The following CUBN variants were observed in gnomAD, a reference collection of about 807,000 sequenced individuals.
CUBN encodes the protein cubilin, also known as 460 kDa receptor.
CUBN carries 282 observed loss-of-function variants against 405.3 expected under a neutral mutation model. The observed-to-expected ratio is 0.70, with a 90% confidence interval of 0.63 to 0.77. The LOEUF (loss-of-function observed/expected upper bound fraction) is 0.77, where lower values mean the gene tolerates loss of function less well. Among genes scored for constraint, CUBN ranks in the 30% least tolerant of loss-of-function variants. The pLI is 0.00. For missense variants in CUBN, 4,514 were observed against 4,475.2 expected (o/e 1.01, Z -0.25); for synonymous variants, 1,684 against 1,617.0 (o/e 1.04, Z -0.99).
Position 16,869,658 on chromosome 10 carries a change from C to A in CUBN, c.9432G>T (p.Lys3144Asn). ...TACCCAATGTCTGCCGGAAAGACAT[C>A]TTCCAGCCTTTTGCTGTCTGAAATG... Reference protein sequence around the residue: ...TDSFQTAKGWKMSFRQTLGPQ... With the variant: ...TDSFQTAKGWNMSFRQTLGPQ... The change falls in exon 59 of 67, where the codon AAG becomes AAT. Residue 3144 changes from lysine to asparagine, a missense_variant. By Grantham distance (94) the Lys-to-Asn change is moderately conservative. Transcript: ENST00000377833. 6.2e-7 allele frequency: 1 copy of A among 1,613,402 alleles called. No homozygotes were observed. The highest frequency in any genetic ancestry group is 8.5e-7 in the Non-Finnish European group (1 of 1,179,514).
intron 59 of CUBN, among the ~76,000 whole-genome samples, chr10:16,866,780 T>G (rs191931908): frequency 3.3e-5 from 5 of 152,306 alleles, no homozygotes; most frequent in Admixed American, 1.3e-4. Context: ...GATCAGCTCA[T>G]GCTTGCCAAA....
intron 31 of CUBN, among the ~76,000 whole-genome samples, chr10:16,963,111 T>G (rs1468335350): frequency 6.6e-6 from 1 of 152,054 alleles, no homozygotes; most frequent in Non-Finnish European, 1.5e-5. Context: ...TGGAAACTGA[T>G]TACAAGTATG....
chr10:16,906,239 G>A lies in CUBN; in HGVS notation c.7876C>T (p.Gln2626Ter), dbSNP rs779108584. ...HFEDFYLESH[Q>*]DCQFDVLEFR... ...TCGAGGACATCAAATTGACAGTCTT[G>A]GTGACTTTCTAGGTAAAAATCTTCA... is the stretch of plus-strand genomic sequence containing the variant. The change falls in exon 50 of 67, where the codon CAA becomes TAA. Residue 2626 changes from glutamine (Q) to a stop codon, truncating the protein, a stop_gained. Coordinates refer to ENST00000377833, the MANE Select transcript of CUBN (RefSeq NM_001081.4). LOFTEE classifies it high-confidence loss of function. The A allele has an allele frequency of 6.2e-7, 1 of 1,614,002 alleles. No individual in the cohort carries two copies.
intron 45 of CUBN, among the ~76,000 whole-genome samples, chr10:16,917,592 G>A (rs959143619): frequency 6.6e-6 from 1 of 152,258 alleles, no homozygotes; most frequent in East Asian, 1.9e-4. Flanking sequence ...ATGGATAAGA[G>A]AGAACTACTG....
chr10:16,952,527 A>G (rs1842949533), intron 32 of CUBN, 138 bp from the exon 33 acceptor site: 1 of 671,044 alleles, frequency 1.5e-6, no homozygotes, highest in South Asian at 1.5e-5. Context: ...GTTCTCCATA[A>G]GGAGAGCTGT....
At chr10:17,085,101 G>A (rs1836076106) in intron 16 of CUBN, among the ~76,000 whole-genome samples, 1 of 152,124 alleles carries the variant, frequency 6.6e-6, no homozygotes, top group African/African-American at 2.4e-5. Flanking sequence ...TATTTCCTGT[G>A]TTTTGTTGTT....
Position 17,123,659 on chromosome 10 carries a change from G to A in CUBN, c.418C>T (p.Pro140Ser), listed in dbSNP as rs776081195. Residue 140 changes from proline to serine, a missense_variant, in exon 5 of 67, where the codon CCT (proline) becomes TCT (serine). Pro to Ser is a moderately conservative substitution (Grantham distance 74). Transcript: ENST00000377833. ...AGGCAGGTTCCACCATTCTGGCAAG[G>A]ATTGCTGCTGCAAACCTTTTTGTCA... Reference protein sequence around the residue: ...TVDKKVCSSNPCQNGGTCLNL... With the variant: ...TVDKKVCSSNSCQNGGTCLNL... The A allele has an allele frequency of 1.9e-6, 3 of 1,614,008 alleles. No homozygotes were observed. Among genetic ancestry groups the A allele is most frequent in the Non-Finnish European group, 2.5e-6 (3 of 1,179,972 alleles).
At chr10:16,829,342 G>GAGAA (rs757196904) in intron 65 of CUBN, among the ~76,000 whole-genome samples, 308 of 121,144 alleles carry the variant, frequency 2.5e-3, no homozygotes, top group African/African-American at 8.9e-3. Flanking sequence ...GAGCAGAATG[G>GAGAA]AAAAAAAAAA....
intron 27 of CUBN, among the ~76,000 whole-genome samples, chr10:17,038,833 G>A (rs775374265): frequency 6.6e-6 from 1 of 152,098 alleles, no homozygotes; most frequent in Admixed American, 6.5e-5. Flanking sequence ...TTTTTGGAAG[G>A]CCTTTCTGAA....
intron 22 of CUBN, among the ~76,000 whole-genome samples, chr10:17,060,868 C>T (rs968365999): frequency 1.4e-4 from 22 of 151,774 alleles, no homozygotes; most frequent in African/African-American, 4.4e-4. Context: ...CTGACCAACA[C>T]GGTGAAACCC....
At chr10:17,110,884 G>A in intron 9 of CUBN, 35 bp downstream of exon 9, 4 of 1,614,002 alleles carry the variant, frequency 2.5e-6, no homozygotes, top group Non-Finnish European at 2.5e-6. Context: ...TCCCTGTGCT[G>A]GGGTCAGGAG....
chr10:16,986,300 T>C (rs1310723778), intron 29 of CUBN, among the ~76,000 whole-genome samples: 5 of 123,228 alleles, frequency 4.1e-5, no homozygotes, highest in African/African-American at 1.5e-4. Flanking sequence ...CGGGACACTC[T>C]GCCCCCATTC....
At chr10:17,001,747 T>A (rs1833892918) in intron 28 of CUBN, among the ~76,000 whole-genome samples, 1 of 152,234 alleles carries the variant, frequency 6.6e-6, no homozygotes, top group Non-Finnish European at 1.5e-5. Flanking sequence ...TTTATCATAA[T>A]ATCTTCAGAC....
intron 35 of CUBN, among the ~76,000 whole-genome samples, chr10:16,947,667 T>C (rs935504424): frequency 3.3e-5 from 5 of 152,236 alleles, no homozygotes; most frequent in African/African-American, 9.6e-5. Context: ...TACAGCCACT[T>C]GGCTTTTGTG....
chr10:16,911,630 A>T lies in CUBN; in HGVS notation c.7533+2181T>A, dbSNP rs371850574. On this transcript the variant is annotated intron_variant, in intron 48 of 66. Transcript: ENST00000377833. ...CTTTTATTTGAGATCTAAAACTATG[A>T]CTGTTCATATTCTCTTTCCTAAAGG... Among the ~76,000 whole-genome samples the T allele has an allele frequency of 4.6e-5, 7 of 152,322 alleles. No individual in the cohort carries two copies. The East Asian group carries it at 5.8e-4, about 13-fold the overall frequency.
intron 4 of CUBN, among the ~76,000 whole-genome samples, chr10:17,126,388 G>A (rs182372203): frequency 1.8e-4 from 27 of 152,284 alleles, no homozygotes; most frequent in African/African-American, 5.3e-4. Flanking sequence ...CGAGCTTAGC[G>A]TCAGAGAGGA....
intron 60 of CUBN, among the ~76,000 whole-genome samples, chr10:16,850,101 G>A (rs567263400): frequency 6.8e-4 from 103 of 152,288 alleles, no homozygotes; most frequent in Middle Eastern, 3.4e-3. Context: ...CTCCTGACCT[G>A]AGTAAGTTTT....
intron 21 of CUBN, 31 bp downstream of exon 21, chr10:17,068,033 T>C (rs1465368521): frequency 1.3e-6 from 2 of 1,551,936 alleles, no homozygotes; most frequent in Non-Finnish European, 1.8e-6. Flanking sequence ...TGAAGTTTTA[T>C]TGTTAAACAA....
Position 17,007,826 on chromosome 10 carries a change from C to T in CUBN, c.4168+12007G>A, listed in dbSNP as rs933684452. ...AAGGAGAAGCCTTTCTAATTATTTT[C>T]CTTCTGATATGTTACACACACTCAC... On this transcript the variant is annotated intron_variant, in intron 28 of 66. Transcript: ENST00000377833. Among the ~76,000 whole-genome samples the T allele has an allele frequency of 7.9e-5, 12 of 152,138 alleles. 1 individual carries two copies. The highest frequency in any genetic ancestry group is 7.9e-4 in the Admixed American group (12 of 15,278).
Sources: allele counts gnomAD v4.1 joint callset (sites outside exome capture counted in the v4.1 genomes callset), GRCh38; gene constraint gnomAD v4.1.1; transcripts MANE v1.5; gene names NCBI Gene and HGNC (gene_info 2026-07-23, HGNC 2026-07-21).